Variants in ZFHX3 observed in about 807,000 individuals in gnomAD.
ZFHX3 encodes the protein zinc finger homeobox protein 3.
A neutral mutation model predicts 279.1 loss-of-function variants in ZFHX3; 42 were observed. That is an observed-to-expected ratio of 0.15 (90% CI 0.12 to 0.19). The LOEUF (loss-of-function observed/expected upper bound fraction) is 0.19. ZFHX3 is among the 10% of genes least tolerant of loss of function. The pLI, the probability that ZFHX3 is intolerant of heterozygous loss-of-function variation, is 1.00. For missense variants in ZFHX3, 4,981 were observed against 4,754.0 expected (o/e 1.05, Z -1.40); for synonymous variants, 2,293 against 1,957.8 (o/e 1.17, Z -4.52).
intron 2 of ZFHX3, among the ~76,000 whole-genome samples, chr16:73,535,666 A>T (rs1488005089): frequency 1.3e-5 from 2 of 151,798 alleles, no homozygotes; most frequent in Admixed American, 6.6e-5. Flanking sequence ...TCACCTTTCA[A>T]TTCCTGACTC....
intron 1 of ZFHX3, among the ~76,000 whole-genome samples, chr16:73,797,572 T>C (rs1960030170): frequency 6.6e-6 from 1 of 152,150 alleles, no homozygotes; most frequent in African/African-American, 2.4e-5. Context: ...CCTGAAATTT[T>C]CAAGTATGAT....
chr16:73,744,994 G>T (rs2053690895), intron 1 of ZFHX3, among the ~76,000 whole-genome samples: 1 of 152,100 alleles, frequency 6.6e-6, no homozygotes, highest in Non-Finnish European at 1.5e-5. Context: ...AGCTATTGTG[G>T]AAGTAATTCC....
At chr16:73,339,826 T>C (rs1438628378) in intron 3 of ZFHX3, among the ~76,000 whole-genome samples, 1 of 152,212 alleles carries the variant, frequency 6.6e-6, no homozygotes. Flanking sequence ...CTTCATTTGG[T>C]CTAAACAATA....
chr16:72,846,807 G>C (rs1362554941), intron 4 of ZFHX3, among the ~76,000 whole-genome samples: 1 of 152,190 alleles, frequency 6.6e-6, no homozygotes, highest in Non-Finnish European at 1.5e-5. Context: ...CCATTTACTG[G>C]GGGCTGGCAG....
intron 6 of ZFHX3, among the ~76,000 whole-genome samples, chr16:73,140,621 C>T (rs929421101): frequency 2.0e-5 from 3 of 152,128 alleles, no homozygotes; most frequent in Admixed American, 6.5e-5. Context: ...TTTGGGAGGC[C>T]GAGGTGGGTG....
chr16:73,340,666 G>T (rs569177879), intron 3 of ZFHX3, among the ~76,000 whole-genome samples: 1 of 152,156 alleles, frequency 6.6e-6, no homozygotes, highest in Non-Finnish European at 1.5e-5. Flanking sequence ...GTGAGCCACC[G>T]TGCCTGGCTG....
intron 3 of ZFHX3, among the ~76,000 whole-genome samples, chr16:73,358,833 G>T (rs1039999851): frequency 6.6e-6 from 1 of 152,228 alleles, no homozygotes; most frequent in African/African-American, 2.4e-5. Context: ...TTCCTTGCCA[G>T]TCAGAGGACC....
chr16:73,045,849 A>G (rs931483598), intron 1 of ZFHX3, among the ~76,000 whole-genome samples: 4 of 150,764 alleles, frequency 2.7e-5, no homozygotes, highest in African/African-American at 9.7e-5. Flanking sequence ...TGTCATAAAG[A>G]CAGAAGGTCT....
At chr16:73,419,343 A>G (rs2143486437) in intron 3 of ZFHX3, among the ~76,000 whole-genome samples, 1 of 152,332 alleles carries the variant, frequency 6.6e-6, no homozygotes, top group East Asian at 1.9e-4. Flanking sequence ...GGCAAGTGAC[A>G]ACATCAGTAT....
chr16:73,321,382 G>A (rs2015571325), intron 3 of ZFHX3, among the ~76,000 whole-genome samples: 1 of 152,186 alleles, frequency 6.6e-6, no homozygotes, highest in South Asian at 2.1e-4. Context: ...GGTCACAGCA[G>A]TACCTGACCT....
chr16:73,494,462 A>T (rs1286243398), intron 2 of ZFHX3, among the ~76,000 whole-genome samples: 1 of 152,058 alleles, frequency 6.6e-6, no homozygotes, highest in Non-Finnish European at 1.5e-5. Flanking sequence ...CTTCCTCCCC[A>T]TTGGCCTTCT....
chr16:73,247,548 T>C (rs906264499), intron 5 of ZFHX3, among the ~76,000 whole-genome samples: 1 of 151,806 alleles, frequency 6.6e-6, no homozygotes, highest in Non-Finnish European at 1.5e-5. Context: ...TCTGTGTCTA[T>C]GTGCCTGTAT....
intron 3 of ZFHX3, chr16:73,401,406 A>ACACACACCCC (rs374561909): frequency 3.4e-5 from 5 of 149,252 alleles, no homozygotes; most frequent in Admixed American, 6.7e-5. Context: ...ACACACACAC[A>ACACACACCCC]CCTCAAAAGC....
At chr16:72,848,373 T>C (rs2037530332) in intron 4 of ZFHX3, among the ~76,000 whole-genome samples, 1 of 152,144 alleles carries the variant, frequency 6.6e-6, no homozygotes, top group Non-Finnish European at 1.5e-5. Context: ...TTATGATCAA[T>C]ATGCAAATTG....
At chr16:73,862,535 G>A (rs1961911245) in intron 1 of ZFHX3, among the ~76,000 whole-genome samples, 1 of 152,196 alleles carries the variant, frequency 6.6e-6, no homozygotes, top group Non-Finnish European at 1.5e-5. Flanking sequence ...AACATTTTGA[G>A]AGGCTGAGGC....
chr16:72,891,486 C>CA (rs1165918731), intron 3 of ZFHX3, among the ~76,000 whole-genome samples: 1 of 152,130 alleles, frequency 6.6e-6, no homozygotes, highest in Non-Finnish European at 1.5e-5. Flanking sequence ...TTTTGACTAA[C>CA]AGAGAATGAA....
chr16:73,786,437 G>C (rs1210297590), intron 1 of ZFHX3, among the ~76,000 whole-genome samples: 1 of 152,222 alleles, frequency 6.6e-6, no homozygotes, highest in African/African-American at 2.4e-5. Flanking sequence ...TGTTGTGTTG[G>C]TGGTCTCTGT....
intron 3 of ZFHX3, among the ~76,000 whole-genome samples, chr16:72,945,662 AAAAC>A (rs369881035): frequency 4.0e-4 from 61 of 152,252 alleles, no homozygotes; most frequent in African/African-American, 1.3e-3. Flanking sequence ...GTATGTACTT[AAAAC>A]AAACAAAAAA....
At chr16:73,188,679 T>C (rs925113998) in intron 5 of ZFHX3, among the ~76,000 whole-genome samples, 1 of 152,144 alleles carries the variant, frequency 6.6e-6, no homozygotes, top group Non-Finnish European at 1.5e-5. Context: ...ATTTCCGCTA[T>C]TTTGCTACTG....
Sources: gnomAD v4.1 joint callset for allele counts (sites outside exome capture counted in the v4.1 genomes callset) on GRCh38, gnomAD v4.1.1 for gene constraint, MANE v1.5 for transcripts, NCBI Gene and HGNC (gene_info 2026-07-23, HGNC 2026-07-21) for gene names.